Variants in FARS2 observed in about 807,000 individuals in gnomAD.
The protein encoded by FARS2 is phenylalanyl-tRNA synthetase 2, mitochondrial.
A neutral mutation model predicts 46.4 loss-of-function variants in FARS2; 40 were observed. The ratio of observed to expected loss-of-function variants is 0.86; its 90% CI spans 0.67 to 1.12. FARS2 has a LOEUF of 1.12. FARS2 is among the 50% of genes most tolerant of loss of function. The pLI is 0.00. For missense variants in FARS2, 513 were observed against 567.9 expected, an observed-to-expected ratio of 0.90 and a Z score of 0.98; for synonymous variants, 234 against 214.9, an observed-to-expected ratio of 1.09 and a Z score of -0.78.
intron 5 of FARS2, among the ~76,000 whole-genome samples, chr6:5,547,143 G>C (rs905509322): frequency 6.6e-6 from 1 of 151,814 alleles, no homozygotes; most frequent in African/African-American, 2.4e-5. Flanking sequence ...GTAGATACAG[G>C]GTTTCACCAT....
At chr6:5,658,799 T>C (rs548070955) in intron 6 of FARS2, among the ~76,000 whole-genome samples, 4 of 152,242 alleles carry the variant, frequency 2.6e-5, no homozygotes, top group South Asian at 2.1e-4. Flanking sequence ...ACACAAGTTA[T>C]TGGATAATTT....
chr6:5,712,743 G>A (rs1035854524), intron 6 of FARS2, among the ~76,000 whole-genome samples: 15 of 152,150 alleles, frequency 9.9e-5, no homozygotes, highest in African/African-American at 1.7e-4. Flanking sequence ...AGTCCTTGCC[G>A]TCCTTGCTTT....
At chr6:5,651,861 A>T (rs938124209) in intron 6 of FARS2, among the ~76,000 whole-genome samples, 23 of 152,246 alleles carry the variant, frequency 1.5e-4, no homozygotes, top group African/African-American at 5.3e-4. Flanking sequence ...CAAAACTGAG[A>T]TTTGAACCCA....
chr6:5,400,414 C>G (rs1180227517), intron 2 of FARS2, among the ~76,000 whole-genome samples: 1 of 151,372 alleles, frequency 6.6e-6, no homozygotes, highest in Non-Finnish European at 1.5e-5. Flanking sequence ...GGTGGAAAGA[C>G]CTTTATGTGT....
intron 6 of FARS2, among the ~76,000 whole-genome samples, chr6:5,687,750 A>G (rs1258532395): frequency 3.3e-5 from 5 of 152,132 alleles, no homozygotes. Flanking sequence ...GTCATTGGTA[A>G]CTTGATGGGT....
chr6:5,565,806 T>C (rs775388026), intron 5 of FARS2, among the ~76,000 whole-genome samples: 2 of 152,296 alleles, frequency 1.3e-5, no homozygotes, highest in Middle Eastern at 3.4e-3. Flanking sequence ...TGAAGGACAA[T>C]TTCCAGATTG....
At chr6:5,563,589 C>T (rs1317521240) in intron 5 of FARS2, among the ~76,000 whole-genome samples, 2 of 152,126 alleles carry the variant, frequency 1.3e-5, no homozygotes, top group African/African-American at 2.4e-5. Context: ...TGGCTACTTC[C>T]TGCTGAAAAG....
intron 2 of FARS2, among the ~76,000 whole-genome samples, chr6:5,377,692 A>G (rs907940983): frequency 1.3e-5 from 2 of 152,186 alleles, no homozygotes; most frequent in Non-Finnish European, 1.5e-5. Context: ...ACAGGAAAAT[A>G]AAAAATATAA....
rs369562305 is a variant in FARS2 at position 5,295,261 on chromosome 6, A to G, written c.-22+33601A>G. The stretch of plus-strand genomic sequence containing the variant: ...AGCAGTGAAATTATTTGAAGTTTCA[A>G]AGGAAGAAATGAAAGGAGGTGAAAA... On this transcript the variant is annotated intron_variant, in intron 1 of 6. Coordinates refer to ENST00000274680, the MANE Select transcript of FARS2 (RefSeq NM_006567.5). Among the ~76,000 whole-genome samples the G allele has an allele frequency of 3.9e-5, 6 of 152,230 alleles. No homozygotes were observed. In the East Asian group the frequency reaches 7.7e-4, roughly 20 times the overall value.
At position 5,404,528 on chromosome 6, in the gene FARS2, C is replaced by G; in HGVS notation, c.613-14C>G. 1.9e-6 allele frequency: 3 copies of G among 1,546,676 alleles called. No homozygotes were observed. Among genetic ancestry groups the G allele is most frequent in the Non-Finnish European group, 2.6e-6 (3 of 1,142,330 alleles). On this transcript the variant is annotated splice_polypyrimidine_tract_variant and intron_variant, in intron 2 of 6. Coordinates refer to ENST00000274680, the MANE Select transcript of FARS2 (RefSeq NM_006567.5). ...GGATATTTTCTTTATTTATACTTTC[C>G]TGTTGGTTTACAGTTATTTGCTGGT...
rs370522469 is a variant in FARS2 at position 5,437,108 on chromosome 6, A to T, written c.904+5936A>T. ...GGCAACCACTGATCTACCTGCTGTC[A>T]TTATAGATTAGTTTGGATTTTCTAC... On this transcript the variant is annotated intron_variant, in intron 4 of 6. Transcript: ENST00000274680. Among the ~76,000 whole-genome samples, 26 of 152,288 alleles carry T rather than the reference A, an allele frequency of 1.7e-4. No homozygotes were observed. In the East Asian group the frequency reaches 2.3e-3, roughly 14 times the overall value.
chr6:5,684,241 A>G (rs897884995), intron 6 of FARS2, among the ~76,000 whole-genome samples: 2 of 152,170 alleles, frequency 1.3e-5, no homozygotes, highest in African/African-American at 4.8e-5. Context: ...TCAGAGGACC[A>G]TCCCCGATGT....
At chr6:5,536,518 G>T (rs1770211524) in intron 4 of FARS2, among the ~76,000 whole-genome samples, 1 of 152,060 alleles carries the variant, frequency 6.6e-6, no homozygotes. Flanking sequence ...CTATAAGGAG[G>T]TCAAGAATGC....
At position 5,404,807 on chromosome 6, in the gene FARS2, T is replaced by G. The variant is rs1031523351; in HGVS notation, c.772+106T>G. 7 of 840,100 alleles carry G rather than the reference T, an allele frequency of 8.3e-6. No homozygotes were observed. In the African/African-American group the frequency reaches 1.1e-4, roughly 13 times the overall value. 52.0% of individuals were successfully genotyped at this position (840,100 alleles called of 1,614,324 possible). A position where few individuals can be genotyped will look rare whatever the true frequency, so the allele number is the denominator to read the frequency against. Reference sequence around the variant, plus strand: ...TTTTTTCATATTTTGAAATTCTTTTTTTTTTTCCCCGAGACGGAGTCTTGC... The same window carrying G: ...TTTTTTCATATTTTGAAATTCTTTTGTTTTTTCCCCGAGACGGAGTCTTGC... On this transcript the variant is annotated intron_variant, in intron 3 of 6. Coordinates refer to ENST00000274680, the MANE Select transcript of FARS2 (RefSeq NM_006567.5).
At chr6:5,319,765 C>T (rs1769834916) in intron 1 of FARS2, among the ~76,000 whole-genome samples, 1 of 152,044 alleles carries the variant, frequency 6.6e-6, no homozygotes. Context: ...TTGCTGGTAA[C>T]GGGAAGCTTT....
chr6:5,365,317 C>CTTT (rs61097603), intron 1 of FARS2, among the ~76,000 whole-genome samples: 3,900 of 42,508 alleles, frequency 0.092, 1,227 homozygotes, highest in Non-Finnish European at 0.13. Context: ...AGTATACTTT[C>CTTT]TTTTTTTTTT....
intron 5 of FARS2, among the ~76,000 whole-genome samples, chr6:5,588,741 G>A (rs1773756685): frequency 6.6e-6 from 1 of 152,126 alleles, no homozygotes; most frequent in Non-Finnish European, 1.5e-5. Flanking sequence ...TGTCCACCAG[G>A]CTCCAGACTT....
At chr6:5,650,637 C>T (rs1371784738) in intron 6 of FARS2, among the ~76,000 whole-genome samples, 10 of 152,074 alleles carry the variant, frequency 6.6e-5, no homozygotes, top group East Asian at 5.8e-4. Context: ...CCCGCCACCA[C>T]GCCCGGCCAA....
intron 6 of FARS2, among the ~76,000 whole-genome samples, chr6:5,761,519 C>T (rs1762475774): frequency 6.6e-6 from 1 of 152,212 alleles, no homozygotes; most frequent in African/African-American, 2.4e-5. Context: ...TGTTCTGTTA[C>T]CTGACTCATC....
Sources: gnomAD v4.1 joint callset for allele counts (sites outside exome capture counted in the v4.1 genomes callset) on GRCh38, gnomAD v4.1.1 for gene constraint, MANE v1.5 for transcripts, NCBI Gene and HGNC (gene_info 2026-07-23, HGNC 2026-07-21) for gene names.